ZNF469: variants seen among roughly 807,000 people sequenced by gnomAD.
ZNF469 encodes zinc finger protein 469.
Under a neutral mutation model 1.0 loss-of-function variants are expected in ZNF469, and 1 was observed. The observed-to-expected ratio is 1.00, with a 90% CI of 0.35 to 4.73. The LOEUF is 4.73. Ranked by LOEUF, ZNF469 falls within the 30% of genes most tolerant of loss-of-function variation. The probability of loss-of-function intolerance (pLI) is 0.16; values close to 1 mark genes in which losing one functional copy is unlikely to be tolerated. For synonymous variants in ZNF469, 2,703 were observed against 2,363.4 expected (o/e 1.14, Z -4.17); for missense variants, 6,100 against 5,356.3 (o/e 1.14, Z -4.33).
At chr16:88,177,772 A>T in the ZNF469 span, 1 of 152,168 alleles carries the variant, frequency 6.6e-6, no homozygotes, top group African/African-American at 2.4e-5. This position sits in a 1 kb window ranked among gnomAD's most constrained non-coding sequence, Gnocchi z 4.8. Flanking sequence ...CAATGGTGCA[A>T]TCTCGGCTCA....
At chr16:88,254,437 C>T in the ZNF469 span, among the ~76,000 whole-genome samples, 3 of 152,162 alleles carry the variant, frequency 2.0e-5, no homozygotes, top group Admixed American at 6.5e-5. Context: ...GATAGTATAG[C>T]TCCTCTAATT....
the ZNF469 span, among the ~76,000 whole-genome samples, chr16:88,153,652 A>G: frequency 2.6e-5 from 4 of 152,224 alleles, no homozygotes; most frequent in Admixed American, 2.6e-4. Context: ...GCCGCCTGCA[A>G]GGCACACAGC....
chr16:88,135,835 A>C, the ZNF469 span, among the ~76,000 whole-genome samples: 2 of 135,162 alleles, frequency 1.5e-5, no homozygotes, highest in Non-Finnish European at 3.0e-5. Context: ...ATCTCGGCTC[A>C]CTGCAACCTC....
the ZNF469 span, among the ~76,000 whole-genome samples, chr16:88,131,509 T>TC: frequency 6.6e-6 from 1 of 152,118 alleles, no homozygotes; most frequent in African/African-American, 2.4e-5. Context: ...GGCGCTGCCT[T>TC]CCCGGGGGCC....
intron 1 of ZNF469, among the ~76,000 whole-genome samples, chr16:88,409,827 C>G (rs917844524): frequency 3.2e-5 from 3 of 92,530 alleles, no homozygotes; most frequent in African/African-American, 4.2e-5. Context: ...GGCCTGTGAG[C>G]GGAGGCCTGA....
rs1460159975 is a variant in ZNF469, at chr16:88,424,942, T to C, written c.-127+71T>C. Among the ~76,000 whole-genome samples the C allele has an allele frequency of 6.6e-6, 1 of 150,922 alleles. No homozygotes were observed. Among genetic ancestry groups the C allele is most frequent in the Non-Finnish European group, 1.5e-5 (1 of 67,746 alleles). Reference sequence around the variant, plus strand: ...TGGTCTTGATGGTCCTGAGGCCCCCTCCGCCCCCACCCGCCCGGCCTTCCT... The same window carrying C: ...TGGTCTTGATGGTCCTGAGGCCCCCCCCGCCCCCACCCGCCCGGCCTTCCT... On this transcript the variant is annotated intron_variant, in intron 2 of 2. Coordinates refer to ENST00000565624, the MANE Select transcript of ZNF469 (RefSeq NM_001367624.2). The surrounding 1 kb of genome is among the most constrained non-coding windows in gnomAD (Gnocchi z 4.3).
rs947418911 is a variant in ZNF469, at chr16:88,437,860, C to A, written c.10390C>A (p.Arg3464=). The A allele has an allele frequency of 6.5e-7, 1 of 1,539,348 alleles. No homozygotes were observed. Among genetic ancestry groups the A allele is most frequent in the Non-Finnish European group, 8.8e-7 (1 of 1,138,992 alleles). Residue 3464 remains arginine, a synonymous_variant, in exon 3 of 3, where the codon CGG becomes AGG. Coordinates refer to ENST00000565624, the MANE Select transcript of ZNF469 (RefSeq NM_001367624.2). ...GCCGGGAGCGCCGGGACAGAAGGCCCGGGCCCTCGAGGGCACACTGCCCAG... is the reference window on the plus strand; with the variant it reads ...GCCGGGAGCGCCGGGACAGAAGGCCAGGGCCCTCGAGGGCACACTGCCCAG... The part of the protein sequence containing the change: ...RRPGAPGQKA[R]ALEGTLPSKR...
At chr16:88,238,582 C>G in the ZNF469 span, among the ~76,000 whole-genome samples, 1 of 152,236 alleles carries the variant, frequency 6.6e-6, no homozygotes, top group Non-Finnish European at 1.5e-5. Context: ...CAGGTCCTCT[C>G]TGGGTTGGAG....
the ZNF469 span, among the ~76,000 whole-genome samples, chr16:88,180,953 A>G: frequency 1.2e-4 from 19 of 152,344 alleles, no homozygotes; most frequent in East Asian, 2.5e-3. Context: ...TCCTCTCTGT[A>G]AGCTATAGAA....
chr16:88,283,776 C>G, the ZNF469 span, among the ~76,000 whole-genome samples: 1 of 151,996 alleles, frequency 6.6e-6, no homozygotes, highest in African/African-American at 2.4e-5. Context: ...TGCCCGAGGT[C>G]TGCGGAGGCT....
chr16:88,203,541 C>T, the ZNF469 span, among the ~76,000 whole-genome samples: 271 of 152,272 alleles, frequency 1.8e-3, 4 homozygotes, highest in East Asian at 0.015. Context: ...GGGCCAAAGC[C>T]GTGGAATTCA....
the ZNF469 span, among the ~76,000 whole-genome samples, chr16:88,176,747 G>A: frequency 6.6e-5 from 10 of 152,204 alleles, no homozygotes; most frequent in African/African-American, 7.2e-5. Context: ...ATACAGCCCC[G>A]GCCCCTGCCA....
At chr16:88,401,704 TA>T (rs1904872051) in intron 1 of ZNF469, among the ~76,000 whole-genome samples, 1 of 117,146 alleles carries the variant, frequency 8.5e-6, no homozygotes. Context: ...GATGGATGGA[TA>T]TATGGGTAGA....
chr16:88,369,001 C>T, the ZNF469 span, among the ~76,000 whole-genome samples: 6 of 152,088 alleles, frequency 3.9e-5, no homozygotes, highest in Non-Finnish European at 7.4e-5. Flanking sequence ...ATTGCTCGAA[C>T]CCAGGAGGTG....
At position 88,432,249 on chromosome 16, in the gene ZNF469, G is replaced by C. The variant is rs774473871; in HGVS notation, c.4779G>C (p.Ser1593=). The stretch of plus-strand genomic sequence containing the variant: ...CGAGAGAGCTTGCAGAAGCTGAGTC[G>C]GTGGGCAGGGTGGAGCTCGGCACAG... The part of the protein sequence containing the change: ...GAPRELAEAE[S]VGRVELGTGT... The change falls in exon 3 of 3, where the codon TCG becomes TCC. Residue 1593 remains serine (S), a synonymous_variant. Coordinates refer to ENST00000565624, the MANE Select transcript of ZNF469 (RefSeq NM_001367624.2). 1 of 1,548,310 alleles carries C rather than the reference G, an allele frequency of 6.5e-7. No individual in the cohort carries two copies. Among genetic ancestry groups the C allele is most frequent in the African/African-American group, 1.4e-5 (1 of 73,048 alleles).
the ZNF469 span, among the ~76,000 whole-genome samples, chr16:88,129,358 C>T: frequency 1.3e-5 from 2 of 152,214 alleles, no homozygotes; most frequent in Non-Finnish European, 2.9e-5. Flanking sequence ...TTGCCACTGC[C>T]TCTGTTCTTC....
At chr16:88,249,334 C>T in the ZNF469 span, among the ~76,000 whole-genome samples, 1 of 151,716 alleles carries the variant, frequency 6.6e-6, no homozygotes, top group East Asian at 1.9e-4. Context: ...CTCAAGCCAT[C>T]CTCCCACTTT....
the ZNF469 span, among the ~76,000 whole-genome samples, chr16:88,200,784 G>A: frequency 1.9e-4 from 29 of 152,382 alleles, no homozygotes; most frequent in African/African-American, 5.8e-4. Context: ...GTCTTCTGAG[G>A]CTGCTGAGAC....
chr16:88,352,625 G>A, the ZNF469 span, among the ~76,000 whole-genome samples: 385 of 152,390 alleles, frequency 2.5e-3, 2 homozygotes, highest in African/African-American at 3.3e-3. Context: ...AGACGGGGCC[G>A]ATGGTGGGCA....
Sources: allele counts gnomAD v4.1 joint callset (sites outside exome capture counted in the v4.1 genomes callset), GRCh38; gene constraint gnomAD v4.1.1; non-coding constraint Gnocchi (gnomAD v3.1); transcripts MANE v1.5; gene names NCBI Gene and HGNC (gene_info 2026-07-23, HGNC 2026-07-21).